Variants in CDYL2 observed in about 807,000 individuals in gnomAD.
CDYL2 encodes the protein chromodomain Y-like protein 2.
In CDYL2, 23 loss-of-function variants were observed where a neutral mutation model predicts 49.4. The ratio of observed to expected loss-of-function variants is 0.47; its 90% CI spans 0.34 to 0.66. CDYL2 has a LOEUF of 0.66. Ranked by LOEUF, CDYL2 falls within the 30% of genes least tolerant of loss-of-function variation. The pLI is 0.01. For synonymous variants in CDYL2, 360 were observed against 268.8 expected (o/e 1.34, Z -3.32); for missense variants, 678 against 656.4 (o/e 1.03, Z -0.36).
At chr16:80,658,443 T>G (rs1908902406) in intron 2 of CDYL2, among the ~76,000 whole-genome samples, 1 of 152,162 alleles carries the variant, frequency 6.6e-6, no homozygotes, top group Non-Finnish European at 1.5e-5. Context: ...CAGATAAATC[T>G]TGAACTCTTC....
intron 2 of CDYL2, among the ~76,000 whole-genome samples, chr16:80,633,780 T>G (rs572323172): frequency 7.2e-5 from 11 of 152,196 alleles, no homozygotes; most frequent in Non-Finnish European, 1.5e-4. Context: ...GCAGGCAGTA[T>G]CCTTAGGTCT....
chr16:80,702,173 G>A (rs1166281507), intron 1 of CDYL2, among the ~76,000 whole-genome samples: 1 of 142,816 alleles, frequency 7.0e-6, no homozygotes, highest in Non-Finnish European at 1.5e-5. Flanking sequence ...CCAAGAGTCA[G>A]AAGGCCTAAA....
At chr16:80,712,215 A>ATATATATATATATCTC (rs763194077) in intron 1 of CDYL2, among the ~76,000 whole-genome samples, 5,431 of 128,096 alleles carry the variant, frequency 0.042, 258 homozygotes, top group Middle Eastern at 0.078. Flanking sequence ...ATATATATAT[A>ATATATATATATATCTC]TCTCCAAACC....
At chr16:80,660,134 G>C (rs1908982117) in intron 2 of CDYL2, among the ~76,000 whole-genome samples, 1 of 151,984 alleles carries the variant, frequency 6.6e-6, no homozygotes, top group African/African-American at 2.4e-5. Flanking sequence ...ATTTTCAGGT[G>C]TTCTAACACC....
At chr16:80,764,621 T>C (rs780272023) in intron 1 of CDYL2, among the ~76,000 whole-genome samples, 1 of 152,170 alleles carries the variant, frequency 6.6e-6, no homozygotes, top group African/African-American at 2.4e-5. Flanking sequence ...TGCTCAGGTA[T>C]GTTAATAAAC....
chr16:80,723,812 C>T (rs2142528924), intron 1 of CDYL2, among the ~76,000 whole-genome samples: 1 of 152,006 alleles, frequency 6.6e-6, no homozygotes, highest in African/African-American at 2.4e-5. Context: ...GGTAGAAAGT[C>T]TGCCAATTCC....
intron 2 of CDYL2, among the ~76,000 whole-genome samples, chr16:80,657,328 A>G (rs1203116607): frequency 1.3e-5 from 2 of 152,250 alleles, no homozygotes; most frequent in Non-Finnish European, 2.9e-5. Flanking sequence ...TGAATAGCAT[A>G]AAGAACTAAT....
At chr16:80,803,423 C>A (rs909230823) in intron 1 of CDYL2, among the ~76,000 whole-genome samples, 2 of 152,290 alleles carry the variant, frequency 1.3e-5, no homozygotes, top group African/African-American at 4.8e-5. Context: ...CCACCCAGGG[C>A]CCTCCGCAGC....
At chr16:80,621,408 G>A (rs1000251971) in intron 3 of CDYL2, among the ~76,000 whole-genome samples, 15 of 152,310 alleles carry the variant, frequency 9.8e-5, no homozygotes, top group South Asian at 2.1e-4. Context: ...CGGCCTGCAG[G>A]TGCCACATGG....
intron 2 of CDYL2, chr16:80,639,818 G>A (rs1908002603): frequency 2.3e-6 from 1 of 433,406 alleles, no homozygotes; most frequent in Non-Finnish European, 4.6e-6. Flanking sequence ...AAGGGAGAGT[G>A]TAGCAATTGT....
chr16:80,675,798 C>G (rs1909720679), intron 2 of CDYL2, among the ~76,000 whole-genome samples: 1 of 152,060 alleles, frequency 6.6e-6, no homozygotes, highest in East Asian at 1.9e-4. Flanking sequence ...GACACTGTAC[C>G]CGCTTACTGC....
intron 1 of CDYL2, among the ~76,000 whole-genome samples, chr16:80,743,514 G>C (rs912219234): frequency 6.6e-6 from 1 of 152,118 alleles, no homozygotes; most frequent in African/African-American, 2.4e-5. Flanking sequence ...AATGGGTCAG[G>C]AGAGATGTTT....
At chr16:80,758,519 A>G (rs186306344) in intron 1 of CDYL2, among the ~76,000 whole-genome samples, 79 of 151,876 alleles carry the variant, frequency 5.2e-4, no homozygotes, top group African/African-American at 1.9e-3. Context: ...TAAACACATA[A>G]ATACAGAAGT....
intron 1 of CDYL2, among the ~76,000 whole-genome samples, chr16:80,778,917 A>G (rs991020642): frequency 1.3e-5 from 2 of 152,114 alleles, no homozygotes; most frequent in African/African-American, 4.8e-5. Flanking sequence ...GACTGAAACG[A>G]AAGATCAACA....
intron 1 of CDYL2, among the ~76,000 whole-genome samples, chr16:80,727,858 A>G (rs1051779682): frequency 7.9e-5 from 12 of 152,084 alleles, no homozygotes; most frequent in South Asian, 6.2e-4. Flanking sequence ...TCACACGGCC[A>G]GGTACTCCAA....
chr16:80,796,941 T>C (rs1907784837), intron 1 of CDYL2, among the ~76,000 whole-genome samples: 1 of 152,170 alleles, frequency 6.6e-6, no homozygotes, highest in African/African-American at 2.4e-5. Context: ...AAGGACATTA[T>C]TAACCATCCC....
At chr16:80,617,625 A>G (rs1459645525) in intron 4 of CDYL2, among the ~76,000 whole-genome samples, 1 of 152,026 alleles carries the variant, frequency 6.6e-6, no homozygotes, top group Non-Finnish European at 1.5e-5. Context: ...GCCTTAAAAG[A>G]GTTTGGTGCT....
intron 1 of CDYL2, among the ~76,000 whole-genome samples, chr16:80,703,344 T>G (rs1225229896): frequency 2.6e-5 from 4 of 152,220 alleles, no homozygotes; most frequent in African/African-American, 9.6e-5. Flanking sequence ...GAGGCTCTTT[T>G]TTTCGACTGT....
chr16:80,742,461 C>CATGGATGGATGGATGG (rs3081238), intron 1 of CDYL2, among the ~76,000 whole-genome samples: 7 of 146,286 alleles, frequency 4.8e-5, no homozygotes, highest in South Asian at 4.6e-4. Flanking sequence ...AGGATGGATG[C>CATGGATGGATGGATGG]ATGGATGGAT....
Sources: gnomAD v4.1 joint callset for allele counts (sites outside exome capture counted in the v4.1 genomes callset) on GRCh38, gnomAD v4.1.1 for gene constraint, MANE v1.5 for transcripts, NCBI Gene and HGNC (gene_info 2026-07-23, HGNC 2026-07-21) for gene names.